Variants in PPP2R5C observed in about 807,000 individuals in gnomAD.
PPP2R5C encodes protein phosphatase 2 regulatory subunit B'gamma.
In PPP2R5C, 7 loss-of-function variants were observed where a neutral mutation model predicts 68.9. The observed-to-expected ratio is 0.10, with a 90% CI of 0.06 to 0.19. The LOEUF (loss-of-function observed/expected upper bound fraction) is 0.19. Among genes scored for constraint, PPP2R5C ranks in the 10% least tolerant of loss-of-function variants. The probability of loss-of-function intolerance (pLI) is 1.00; values close to 1 mark genes in which losing one functional copy is unlikely to be tolerated. For synonymous variants in PPP2R5C, 210 were observed against 222.2 expected (o/e 0.95, Z 0.49); for missense variants, 348 against 641.3 (o/e 0.54, Z 4.94).
chr14:101,849,584 T>G lies in PPP2R5C; in HGVS notation c.95-7102T>G, dbSNP rs187452552. Reference sequence around the variant, plus strand: ...TATATTCTGGATATGAGTCTATTGGTTATATGTATTCAAATAGTTCTATCC... The same window carrying G: ...TATATTCTGGATATGAGTCTATTGGGTATATGTATTCAAATAGTTCTATCC... On this transcript the variant is annotated intron_variant, in intron 1 of 13. Transcript: ENST00000334743. Among the ~76,000 whole-genome samples the G allele has an allele frequency of 6.8e-4, 76 of 111,080 alleles. 1 individual carries two copies. The Middle Eastern group carries it at 0.018, about 26-fold the overall frequency. 72.9% of individuals were successfully genotyped at this position (111,080 alleles called of 152,430 possible).
chr14:101,872,219 CTTTTT>C (rs386382344), intron 2 of PPP2R5C, among the ~76,000 whole-genome samples: 1 of 91,196 alleles, frequency 1.1e-5, no homozygotes, highest in African/African-American at 5.1e-5. Flanking sequence ...TTTCTTTTGC[CTTTTT>C]TTTTTTTTTT....
chr14:101,889,954 C>A, intron 5 of PPP2R5C: 1 of 540,996 alleles, frequency 1.8e-6, no homozygotes, highest in Non-Finnish European at 3.5e-6. Flanking sequence ...AATGGGTGTT[C>A]ACTGTAGAAT....
At position 101,895,668 on chromosome 14, in the gene PPP2R5C, G is replaced by A. The variant is rs181885013; in HGVS notation, c.852+1108G>A. Among the ~76,000 whole-genome samples, 333 of 152,164 alleles carry A rather than the reference G, an allele frequency of 2.2e-3. 5 individuals carry two copies. In the Middle Eastern group the frequency reaches 0.027, roughly 12 times the overall value. ...ACTTCATTCCTCATCATGGTTGAAT[G>A]CTGTTCTATCATATGGATAGAACAC... On this transcript the variant is annotated intron_variant, in intron 8 of 13. Coordinates refer to ENST00000334743, the Ensembl canonical transcript of PPP2R5C.
exon 14 of PPP2R5C, chr14:101,927,381 CTAAAGTTTCCCTAGT>C (rs1364212217): frequency 1.6e-4 from 25 of 152,622 alleles, no homozygotes; most frequent in Non-Finnish European, 2.2e-4. Flanking sequence ...TTTTGGCCTC[CTAAAGTTTCCCTAGT>C]TAGTACTCGG....
At chr14:101,912,895 T>C (rs1003671930) in intron 12 of PPP2R5C, among the ~76,000 whole-genome samples, 3 of 152,248 alleles carry the variant, frequency 2.0e-5, no homozygotes, top group African/African-American at 7.2e-5. Flanking sequence ...TGATGTCCTC[T>C]TTCTTTGTAT....
rs955365228 is a variant in PPP2R5C, at chr14:101,781,683, C to T, written c.94-4335C>T. Among the ~76,000 whole-genome samples, 2 of 152,138 alleles carry T rather than the reference C, an allele frequency of 1.3e-5. No individual in the cohort carries two copies. The highest frequency in any genetic ancestry group is 4.8e-5 in the African/African-American group (2 of 41,422). On this transcript the variant is annotated intron_variant, in intron 2 of 14. Coordinates refer to the PPP2R5C transcript ENST00000328724. This position sits in a 1 kb window ranked among gnomAD's most constrained non-coding sequence, Gnocchi z 6.4. ...GGGGTCCCGCCTTTGCCCCGGCCTC[C>T]GCTGCCTCGCCCCGGAGCCCGGAGG...
chr14:101,839,340 ACT>A (rs1213878068), intron 1 of PPP2R5C: 1 of 149,596 alleles, frequency 6.7e-6, no homozygotes, highest in Non-Finnish European at 1.5e-5. Flanking sequence ...ACGGAGCAAG[ACT>A]CTGTCTCCAA....
intron 9 of PPP2R5C, among the ~76,000 whole-genome samples, chr14:101,905,666 AAAAG>A (rs975302579): frequency 1.3e-5 from 2 of 151,920 alleles, no homozygotes; most frequent in African/African-American, 4.8e-5. Context: ...TCAAAAAAAA[AAAAG>A]AAAAGAAAAA....
rs147628283 is a variant in PPP2R5C, at chr14:101,765,546, C to T, written c.93+2576C>T. ...ACCTGAACAATTTAAATAGGCTTGACATTCCCATGCTGCTTTCAAGCCTTT... is the reference window on the plus strand; with the variant it reads ...ACCTGAACAATTTAAATAGGCTTGATATTCCCATGCTGCTTTCAAGCCTTT... On this transcript the variant is annotated intron_variant, in intron 2 of 14. Transcript: ENST00000328724. 2.3e-3 allele frequency: 639 copies of T among 280,482 alleles called. 3 individuals are homozygous for T. Among genetic ancestry groups the T allele is most frequent in the African/African-American group, 0.01 (463 of 45,028 alleles). The allele number at this position is 280,482 out of a possible 1,614,324, so 17.4% of individuals were successfully genotyped here.
chr14:101,777,764 C>T (rs1387961300), intron 2 of PPP2R5C, among the ~76,000 whole-genome samples: 3 of 152,152 alleles, frequency 2.0e-5, no homozygotes, highest in African/African-American at 4.8e-5. Context: ...TGTAGTTCCA[C>T]GTCCTTTATG....
upstream of PPP2R5C, chr14:101,761,823 GGCGGGGGCGCTGCTGCT>G: frequency 3.1e-6 from 3 of 979,714 alleles, no homozygotes; most frequent in Non-Finnish European, 2.4e-6. Flanking sequence ...CGACGGCCGG[GGCGGGGGCGCTGCTGCT>G]GCGGGGGCAG....
At chr14:101,852,947 T>C (rs768531359) in intron 1 of PPP2R5C, among the ~76,000 whole-genome samples, 2 of 152,110 alleles carry the variant, frequency 1.3e-5, no homozygotes, top group African/African-American at 2.4e-5. Context: ...AACATATTAA[T>C]TAAATAATGG....
At chr14:101,870,120 A>T (rs1472900067) in intron 2 of PPP2R5C, among the ~76,000 whole-genome samples, 1 of 130,606 alleles carries the variant, frequency 7.7e-6, no homozygotes, top group East Asian at 2.3e-4. Flanking sequence ...TTTTTGCGAG[A>T]TACATGATTT....
At chr14:101,838,831 G>A (rs997129905) in intron 1 of PPP2R5C, among the ~76,000 whole-genome samples, 2 of 152,174 alleles carry the variant, frequency 1.3e-5, no homozygotes, top group African/African-American at 4.8e-5. Flanking sequence ...ATTGCTTGAT[G>A]TCAGGAGTTT....
intron 1 of PPP2R5C, chr14:101,831,757 C>T: frequency 7.1e-6 from 5 of 702,500 alleles, no homozygotes; most frequent in South Asian, 1.5e-5. Flanking sequence ...TTTTCATACG[C>T]ACGGGTTCTG....
chr14:101,761,966 G>A (rs2036566620), intron 1 of PPP2R5C, 46 bp downstream of exon 1: 13 of 1,186,712 alleles, frequency 1.1e-5, no homozygotes, highest in Non-Finnish European at 1.4e-5. Context: ...GGGAGGGACT[G>A]CCGGGGGAGG....
intron 9 of PPP2R5C, among the ~76,000 whole-genome samples, chr14:101,905,104 AGCACTTTGGGAG>A (rs1488551356): frequency 3.3e-5 from 5 of 152,272 alleles, no homozygotes; most frequent in African/African-American, 1.2e-4. Flanking sequence ...CTGTAGTCCC[AGCACTTTGGGAG>A]GCCAAGGCGG....
chr14:101,806,257 C>G (rs1222893976), upstream of PPP2R5C, among the ~76,000 whole-genome samples: 1 of 151,772 alleles, frequency 6.6e-6, no homozygotes. Flanking sequence ...TCTCCCACCC[C>G]CTGTCCCCCA....
intron 2 of PPP2R5C, among the ~76,000 whole-genome samples, chr14:101,864,076 C>T (rs1280375231): frequency 6.6e-6 from 1 of 152,068 alleles, no homozygotes; most frequent in Non-Finnish European, 1.5e-5. Context: ...CGTCAGTTCC[C>T]CCAGAGAACA....
Sources: allele counts gnomAD v4.1 joint callset (sites outside exome capture counted in the v4.1 genomes callset), GRCh38; gene constraint gnomAD v4.1.1; non-coding constraint Gnocchi (gnomAD v3.1); transcripts MANE v1.5; gene names NCBI Gene and HGNC (gene_info 2026-07-23, HGNC 2026-07-21).